Variants in LMNTD1 observed in about 807,000 individuals in gnomAD.
The protein encoded by LMNTD1 is lamin tail domain containing 1.
In LMNTD1, 35 loss-of-function variants were observed where a neutral mutation model predicts 50.9. That is an observed-to-expected ratio of 0.69 (90% CI 0.53 to 0.91). LMNTD1 has a LOEUF of 0.91. LMNTD1 is among the 40% of genes least tolerant of loss of function. The pLI, the probability that LMNTD1 is intolerant of heterozygous loss-of-function variation, is 0.00. For missense variants in LMNTD1, 470 were observed against 475.5 expected (o/e 0.99, Z 0.11); for synonymous variants, 153 against 161.9 (o/e 0.94, Z 0.42).
chr12:25,643,752 G>T (rs1312179783), intron 1 of LMNTD1, among the ~76,000 whole-genome samples: 1 of 152,212 alleles, frequency 6.6e-6, no homozygotes, highest in East Asian at 1.9e-4. Context: ...AGGAGTGGCT[G>T]TTGGACAGGA....
chr12:25,505,498 C>G (rs1394890877), intron 8 of LMNTD1, among the ~76,000 whole-genome samples: 1 of 152,026 alleles, frequency 6.6e-6, no homozygotes, highest in African/African-American at 2.4e-5. Flanking sequence ...ATAAACTGTT[C>G]TTACTTGTCT....
intron 8 of LMNTD1, among the ~76,000 whole-genome samples, chr12:25,505,592 A>C (rs955718877): frequency 6.6e-6 from 1 of 152,090 alleles, no homozygotes; most frequent in Non-Finnish European, 1.5e-5. Flanking sequence ...GAGAAAAATT[A>C]TTACTTTTGA....
intron 1 of LMNTD1, among the ~76,000 whole-genome samples, chr12:25,565,970 T>C (rs1424734574): frequency 6.6e-6 from 1 of 152,132 alleles, no homozygotes; most frequent in Non-Finnish European, 1.5e-5. Context: ...GCCAGGCATA[T>C]TGGAGCTCCA....
chr12:25,602,918 G>A (rs1439506346), intron 1 of LMNTD1, among the ~76,000 whole-genome samples: 1 of 151,982 alleles, frequency 6.6e-6, no homozygotes, highest in Non-Finnish European at 1.5e-5. Context: ...TTTGTACAAT[G>A]CACGTTTCTA....
At chr12:25,522,463 A>T (rs995574018) in intron 6 of LMNTD1, among the ~76,000 whole-genome samples, 2 of 152,214 alleles carry the variant, frequency 1.3e-5, no homozygotes, top group Non-Finnish European at 2.9e-5. Flanking sequence ...TTTTTAGTGC[A>T]ATAGAAAAAT....
intron 7 of LMNTD1, among the ~76,000 whole-genome samples, chr12:25,519,350 G>C (rs1326296219): frequency 8.4e-6 from 1 of 118,468 alleles, no homozygotes. Context: ...CCAGCACTTT[G>C]GGAGGCCAAG....
chr12:25,618,949 G>A (rs74827193), intron 1 of LMNTD1, among the ~76,000 whole-genome samples: 1,819 of 152,216 alleles, frequency 0.012, 41 homozygotes, highest in African/African-American at 0.042. Context: ...CTTAATCAAT[G>A]TGAAACGATT....
chr12:25,572,044 G>A (rs1944820109), intron 1 of LMNTD1, among the ~76,000 whole-genome samples: 1 of 152,152 alleles, frequency 6.6e-6, no homozygotes, highest in South Asian at 2.1e-4. Context: ...TCCTCCCCTA[G>A]GTTTTGGAGC....
In LMNTD1 at chr12:25,495,114, G is replaced by C. The variant is rs374222549; in HGVS notation, c.*22+8624C>G. ...AAGTTTGCCCTCTAAAAGAACTCTA[G>C]CCCTGATACTTATCTGAGAATTTGG... On this transcript the variant is annotated intron_variant, in intron 9 of 9. Coordinates refer to ENST00000458174, the MANE Select transcript of LMNTD1 (RefSeq NM_001145728.2). Among the ~76,000 whole-genome samples the C allele has an allele frequency of 3.6e-4, 55 of 152,236 alleles. 1 individual carries two copies. In the South Asian group the frequency reaches 0.011, roughly 30 times the overall value.
At chr12:25,520,139 G>GATAT (rs1394594290) in intron 6 of LMNTD1, 64 bp from the exon 7 acceptor site, 8,076 of 151,760 alleles carry the variant, frequency 0.053, 808 homozygotes, top group Admixed American at 0.083. Flanking sequence ...GCTGTTATGA[G>GATAT]ATATACATAT....
In LMNTD1 at chr12:25,614,012, G is replaced by C. The variant is rs1725498887; in HGVS notation, c.58+34482C>G. On this transcript the variant is annotated intron_variant, in intron 1 of 7. Transcript: ENST00000445693. ...GCAGAGAGGAGTATCATGGACAAAG[G>C]AAGAGAGTGGTTTCCAAAATGAAGG... 1.3e-5 allele frequency among the ~76,000 whole-genome samples: 2 copies of C among 151,986 alleles called. 1 individual carries two copies. Among genetic ancestry groups the C allele is most frequent in the Admixed American group, 1.3e-4 (2 of 15,256 alleles).
rs572689618 is a variant in LMNTD1 at position 25,488,940 on chromosome 12, G to A, written c.*23-12480C>T. 9.9e-3 allele frequency among the ~76,000 whole-genome samples: 1,510 copies of A among 152,306 alleles called. 22 individuals carry two copies. Among genetic ancestry groups the A allele is most frequent in the African/African-American group, 0.031 (1,282 of 41,568 alleles). ...GGGGTGCCTCCCAGTTAGGCTGCTC[G>A]GGGGTCAGGGGTCAGGGACCCACTT... is the stretch of plus-strand genomic sequence containing the variant. On this transcript the variant is annotated intron_variant, in intron 9 of 9. Coordinates refer to ENST00000458174, the MANE Select transcript of LMNTD1 (RefSeq NM_001145728.2).
rs143942755 is a variant in LMNTD1 at position 25,623,129 on chromosome 12, C to T, written c.58+25365G>A. 1.1e-4 allele frequency among the ~76,000 whole-genome samples: 16 copies of T among 152,152 alleles called. No individual in the cohort carries two copies. The East Asian group carries it at 3.1e-3, about 29-fold the overall frequency. On this transcript the variant is annotated intron_variant, in intron 1 of 7. Transcript: ENST00000445693. Reference sequence around the variant, plus strand: ...TTTAATGTGGCAGTCTGAGAAAACTCTATCGTTTCCTGTAAAGGCAAGAAG... The same window carrying T: ...TTTAATGTGGCAGTCTGAGAAAACTTTATCGTTTCCTGTAAAGGCAAGAAG...
chr12:25,622,115 A>G (rs140783843), intron 1 of LMNTD1, among the ~76,000 whole-genome samples: 165 of 152,366 alleles, frequency 1.1e-3, no homozygotes, highest in South Asian at 1.9e-3. Flanking sequence ...AACAGCCCCA[A>G]TGTTTTGGGC....
At chr12:25,535,556 A>G (rs969765471) in intron 4 of LMNTD1, among the ~76,000 whole-genome samples, 1 of 152,142 alleles carries the variant, frequency 6.6e-6, no homozygotes, top group African/African-American at 2.4e-5. Context: ...TAATGAGAAC[A>G]TCTTAAAAGC....
intron 6 of LMNTD1, 95 bp from the exon 7 acceptor site, chr12:25,520,170 A>ATC (rs1555213319): frequency 4.5e-6 from 1 of 221,038 alleles, no homozygotes. Context: ...ATATATATAT[A>ATC]TATATAGTAA....
upstream of LMNTD1, among the ~76,000 whole-genome samples, chr12:25,555,967 T>TC (rs1944024006): frequency 5.5e-5 from 1 of 18,252 alleles, no homozygotes; most frequent in African/African-American, 1.4e-4. Context: ...GCAATAATCT[T>TC]TTTTTTTTTT....
At chr12:25,590,162 T>G (rs916982200) in intron 1 of LMNTD1, among the ~76,000 whole-genome samples, 1 of 152,186 alleles carries the variant, frequency 6.6e-6, no homozygotes, top group Non-Finnish European at 1.5e-5. Flanking sequence ...AAAGGTAGGA[T>G]AAACAGTCTT....
At chr12:25,619,252 C>CTCTCTCTCTCTCTCTATATATATATATA (rs1374134268) in intron 1 of LMNTD1, among the ~76,000 whole-genome samples, 3 of 84,444 alleles carry the variant, frequency 3.6e-5, no homozygotes, top group African/African-American at 1.5e-4. Context: ...CTCTCTCTCT[C>CTCTCTCTCTCTCTCTATATATATATATA]TATATATATA....
Sources: gnomAD v4.1 joint callset for allele counts (sites outside exome capture counted in the v4.1 genomes callset) on GRCh38, gnomAD v4.1.1 for gene constraint, MANE v1.5 for transcripts, NCBI Gene and HGNC (gene_info 2026-07-23, HGNC 2026-07-21) for gene names.